Variants in LHFPL5 observed in about 807,000 individuals in gnomAD.
LHFPL5 encodes the protein LHFPL tetraspan subfamily member 5.
LHFPL5 carries 12 observed loss-of-function variants against 18.7 expected under a neutral mutation model. The observed-to-expected ratio is 0.64, with a 90% CI of 0.41 to 1.04. LHFPL5 has a LOEUF of 1.04. Among genes scored for constraint, LHFPL5 ranks in the 50% least tolerant of loss-of-function variants. LHFPL5 has a pLI of 0.00. For synonymous variants in LHFPL5, 111 were observed against 120.2 expected (o/e 0.92, Z 0.50); for missense variants, 259 against 292.1 (o/e 0.89, Z 0.83).
intron 1 of LHFPL5, among the ~76,000 whole-genome samples, chr6:35,806,501 A>G (rs1186718511): frequency 6.6e-6 from 1 of 152,140 alleles, no homozygotes. Flanking sequence ...AGCACAAAGT[A>G]GTGACACCAG....
intron 1 of LHFPL5, among the ~76,000 whole-genome samples, chr6:35,807,785 C>T (rs552740959): frequency 2.0e-5 from 3 of 152,222 alleles, no homozygotes; most frequent in South Asian, 2.1e-4. Context: ...AAGAATTAAG[C>T]GGGCAACTGA....
intron 2 of LHFPL5, among the ~76,000 whole-genome samples, chr6:35,817,180 G>C (rs1169607059): frequency 6.6e-6 from 1 of 152,078 alleles, no homozygotes; most frequent in Non-Finnish European, 1.5e-5. Flanking sequence ...AATTAGCTGG[G>C]TGTGGTGGTG....
At chr6:35,816,752 C>T (rs184557967) in intron 2 of LHFPL5, among the ~76,000 whole-genome samples, 191 of 145,274 alleles carry the variant, frequency 1.3e-3, no homozygotes, top group African/African-American at 4.7e-3. Flanking sequence ...GCAGAGCTTG[C>T]AGTGAGCTGA....
At chr6:35,806,227 T>C in intron 1 of LHFPL5, 145 bp downstream of exon 1, 1 of 866,854 alleles carries the variant, frequency 1.2e-6, no homozygotes, top group South Asian at 1.7e-5. Context: ...CTGCAGAAGA[T>C]TCTGAGGAGT....
intron 1 of LHFPL5, among the ~76,000 whole-genome samples, chr6:35,809,923 C>A (rs141637731): frequency 1.3e-5 from 2 of 152,352 alleles, no homozygotes; most frequent in African/African-American, 4.8e-5. Context: ...TGTTTCCTAG[C>A]TTTTCCTACT....
intron 2 of LHFPL5, among the ~76,000 whole-genome samples, chr6:35,818,050 C>T (rs896183518): frequency 3.1e-4 from 47 of 152,276 alleles, no homozygotes; most frequent in African/African-American, 1.1e-3. Context: ...AAGTAGTAAG[C>T]ATTGCTACCA....
intron 2 of LHFPL5, among the ~76,000 whole-genome samples, chr6:35,818,351 A>ATATATATATTTTTTTT (rs1768805129): frequency 9.4e-6 from 1 of 106,926 alleles, no homozygotes; most frequent in African/African-American, 3.8e-5. Flanking sequence ...ATATATATGT[A>ATATATATATTTTTTTT]TTTTTTTTTT....
chr6:35,814,751 C>A lies in LHFPL5; in HGVS notation c.618C>A (p.Leu206=). The change falls in exon 2 of 4, where the codon CTC becomes CTA. Residue 206 remains leucine (L), a synonymous_variant. Coordinates refer to ENST00000360215, the MANE Select transcript of LHFPL5 (RefSeq NM_182548.4). The surrounding 1 kb of genome is among the most constrained non-coding windows in gnomAD (Gnocchi z 4.2). ...AFVLGYRQDK[L]LPDDYKADGT... is the part of the protein sequence containing the mutation. ...TGTTGGGCTACCGGCAGGACAAGCT[C>A]CTCCCTGACGACTACAAGGCAGATG... The A allele has an allele frequency of 4.3e-6, 7 of 1,614,132 alleles. No homozygotes were observed. Among genetic ancestry groups the A allele is most frequent in the Non-Finnish European group, 5.9e-6 (7 of 1,180,018 alleles).
chr6:35,823,850 T>G lies in LHFPL5; in HGVS notation c.*885T>G, dbSNP rs1268452018. ...ATGTTCAAGTAATTTGTTATAGGAA[T>G]AGATGACATTTTTTTTTTTCAAAAA... On this transcript the variant is annotated 3_prime_UTR_variant, in exon 4 of 4. Coordinates refer to ENST00000360215, the MANE Select transcript of LHFPL5 (RefSeq NM_182548.4). 1 of 144,396 alleles carries G rather than the reference T, an allele frequency of 6.9e-6. No individual in the cohort carries two copies. The highest frequency in any genetic ancestry group is 1.5e-5 in the Non-Finnish European group (1 of 65,540). 8.9% of individuals were successfully genotyped at this position (144,396 alleles called of 1,614,324 possible). A position where few individuals can be genotyped will look rare whatever the true frequency, so the allele number is the denominator to read the frequency against.
chr6:35,811,843 A>T (rs748883675), intron 1 of LHFPL5, among the ~76,000 whole-genome samples: 9 of 152,238 alleles, frequency 5.9e-5, no homozygotes, highest in Admixed American at 1.3e-4. Flanking sequence ...ATCTTCCTGA[A>T]CACTTAGTTT....
At chr6:35,817,497 A>G (rs780146022) in intron 2 of LHFPL5, among the ~76,000 whole-genome samples, 2 of 152,220 alleles carry the variant, frequency 1.3e-5, no homozygotes, top group African/African-American at 2.4e-5. Flanking sequence ...AAGAACTCCT[A>G]TAACTCAACA....
At chr6:35,816,088 G>A (rs3122393) in intron 2 of LHFPL5, among the ~76,000 whole-genome samples, 1,668 of 150,998 alleles carry the variant, frequency 0.011, 30 homozygotes, top group African/African-American at 0.036. Flanking sequence ...GGAGAATGGC[G>A]TGAACCCGGG....
rs915889863 is a variant in LHFPL5, at chr6:35,814,070, T to C, written c.413-476T>C. Among the ~76,000 whole-genome samples the C allele has an allele frequency of 1.3e-5, 2 of 152,244 alleles. No individual in the cohort carries two copies. Among genetic ancestry groups the C allele is most frequent in the African/African-American group, 4.8e-5 (2 of 41,472 alleles). ...CCTCGACCTCCCAAAGTGCTGGGAT[T>C]ACAGGTGTGAGCCACCACCCCCAGG... On this transcript the variant is annotated intron_variant, in intron 1 of 3. Coordinates refer to ENST00000360215, the MANE Select transcript of LHFPL5 (RefSeq NM_182548.4). The surrounding 1 kb of genome is among the most constrained non-coding windows in gnomAD (Gnocchi z 4.2).
chr6:35,819,451 A>T lies in LHFPL5; in HGVS notation c.*4A>T. 6.2e-7 allele frequency: 1 copy of T among 1,614,096 alleles called. No homozygotes were observed. The highest frequency in any genetic ancestry group is 8.5e-7 in the Non-Finnish European group (1 of 1,179,968). On this transcript the variant is annotated 3_prime_UTR_variant, in exon 3 of 4. Coordinates refer to ENST00000360215, the MANE Select transcript of LHFPL5 (RefSeq NM_182548.4). ...CTTCATTACAGAGGAGGTGTGAAGC[A>T]GCTGAAGGGTCGGTGAGTAATTCTA...
intron 1 of LHFPL5, among the ~76,000 whole-genome samples, chr6:35,807,797 G>A (rs1467073743): frequency 6.6e-6 from 1 of 152,156 alleles, no homozygotes; most frequent in Non-Finnish European, 1.5e-5. Context: ...GGCAACTGAG[G>A]ACCAAGGAAC....
At chr6:35,813,003 C>T (rs902412148) in intron 1 of LHFPL5, among the ~76,000 whole-genome samples, 3 of 151,768 alleles carry the variant, frequency 2.0e-5, no homozygotes, top group African/African-American at 4.8e-5. Flanking sequence ...TGCAGTGAGC[C>T]GAGATCGTGC....
chr6:35,809,881 G>A (rs1768635110), intron 1 of LHFPL5, among the ~76,000 whole-genome samples: 2 of 152,320 alleles, frequency 1.3e-5, no homozygotes, highest in Admixed American at 6.5e-5. Context: ...ATGTATACAA[G>A]CTGGGCTTGA....
intron 1 of LHFPL5, among the ~76,000 whole-genome samples, chr6:35,807,493 C>A: frequency 6.6e-6 from 1 of 152,250 alleles, no homozygotes; most frequent in South Asian, 2.1e-4. Context: ...GGGCCACAAA[C>A]TGTCCATGTC....
In LHFPL5 at chr6:35,814,405, G is replaced by T. The variant is rs1768722272; in HGVS notation, c.413-141G>T. The T allele has an allele frequency of 2.5e-6, 2 of 785,550 alleles. No homozygotes were observed. Among genetic ancestry groups the T allele is most frequent in the Admixed American group, 1.7e-5 (1 of 58,576 alleles). The allele number at this position is 785,550 out of a possible 1,614,324, so 48.7% of individuals were successfully genotyped here. ...TCACCTGTGTTCTGCAAGAAGGATG[G>T]TAGAGGCTGCCTCTCATGCCTCCTG... On this transcript the variant is annotated intron_variant, in intron 1 of 3. Coordinates refer to ENST00000360215, the MANE Select transcript of LHFPL5 (RefSeq NM_182548.4). This position sits in a 1 kb window ranked among gnomAD's most constrained non-coding sequence, Gnocchi z 4.2.
Sources: allele counts gnomAD v4.1 joint callset (sites outside exome capture counted in the v4.1 genomes callset), GRCh38; gene constraint gnomAD v4.1.1; non-coding constraint Gnocchi (gnomAD v3.1); transcripts MANE v1.5; gene names NCBI Gene and HGNC (gene_info 2026-07-23, HGNC 2026-07-21).